GALNTL6: variants seen among roughly 807,000 people sequenced by gnomAD.
GALNTL6 encodes the protein polypeptide N-acetylgalactosaminyltransferase-like 6.
A neutral mutation model predicts 73.7 loss-of-function variants in GALNTL6; 46 were observed. The observed-to-expected ratio is 0.62, with a 90% confidence interval of 0.49 to 0.80. The LOEUF is 0.80. Ranked by LOEUF, GALNTL6 falls within the 30% of genes least tolerant of loss-of-function variation. GALNTL6 has a pLI of 0.00. For missense variants in GALNTL6, 604 were observed against 755.0 expected, an observed-to-expected ratio of 0.80 and a Z score of 2.34; for synonymous variants, 259 against 263.7, an observed-to-expected ratio of 0.98 and a Z score of 0.17.
At chr4:171,957,332 G>T (rs193172072) in intron 2 of GALNTL6, among the ~76,000 whole-genome samples, 2 of 152,250 alleles carry the variant, frequency 1.3e-5, no homozygotes, top group African/African-American at 4.8e-5. Flanking sequence ...AAAATAAGTT[G>T]CTATAAAAGC....
In GALNTL6 at chr4:173,021,620, C is replaced by T. The variant is rs749841630; in HGVS notation, c.1633C>T (p.Arg545Trp). The T allele has an allele frequency of 3.7e-6, 6 of 1,613,722 alleles. No individual in the cohort carries two copies. Among genetic ancestry groups the T allele is most frequent in the Admixed American group, 3.3e-5 (2 of 59,950 alleles). ...GAAGGGGAACCAGCTCTGGGGATAC[C>T]GGAAGGTAAGAGTCAGTCCACTGTG... ...GMKGNQLWGY[R>W]KDRTLFHPVS... The change falls in exon 12 of 13, where the codon CGG becomes TGG. Residue 545 changes from arginine to tryptophan, a missense_variant. Physicochemically the swap from Arg to Trp is moderately radical, Grantham distance 101 (BLOSUM62 -3). Transcript: ENST00000506823.
At chr4:172,182,986 A>G (rs1311647601) in intron 2 of GALNTL6, among the ~76,000 whole-genome samples, 2 of 152,212 alleles carry the variant, frequency 1.3e-5, no homozygotes, top group Non-Finnish European at 2.9e-5. Context: ...CCAAGAATTC[A>G]CACTAGAAGA....
intron 2 of GALNTL6, among the ~76,000 whole-genome samples, chr4:171,901,605 C>T (rs1737097632): frequency 6.6e-6 from 1 of 152,144 alleles, no homozygotes; most frequent in Non-Finnish European, 1.5e-5. Flanking sequence ...ATTTTTCTAC[C>T]TGCTAGAATG....
At chr4:172,356,191 T>C (rs1436707760) in intron 5 of GALNTL6, among the ~76,000 whole-genome samples, 3 of 152,212 alleles carry the variant, frequency 2.0e-5, no homozygotes, top group Non-Finnish European at 4.4e-5. Context: ...TCATGGCAGA[T>C]TAAATCCCAT....
chr4:172,160,893 C>G (rs201155325), intron 2 of GALNTL6, among the ~76,000 whole-genome samples: 2 of 142,136 alleles, frequency 1.4e-5, no homozygotes, highest in Non-Finnish European at 3.1e-5. Context: ...TATATATAGA[C>G]ACACACACAC....
intron 5 of GALNTL6, among the ~76,000 whole-genome samples, chr4:172,732,458 T>C (rs1736208968): frequency 6.6e-6 from 1 of 152,186 alleles, no homozygotes; most frequent in Non-Finnish European, 1.5e-5. Context: ...AGAATATAAT[T>C]GAGTCATTTC....
chr4:172,379,748 T>C (rs1743204634), intron 5 of GALNTL6, among the ~76,000 whole-genome samples: 3 of 152,162 alleles, frequency 2.0e-5, no homozygotes, highest in Non-Finnish European at 2.9e-5. Context: ...TGCTTTACAC[T>C]TAAACCAGGC....
rs75527265 is a variant in GALNTL6, at chr4:172,394,832, C to G, written c.553+46143C>G. Among the ~76,000 whole-genome samples, 610 of 152,194 alleles carry G rather than the reference C, an allele frequency of 4.0e-3. 4 individuals are homozygous for G. Among genetic ancestry groups the G allele is most frequent in the African/African-American group, 0.014 (562 of 41,510 alleles). ...AAGCAGATATTTACTAACAGAGAAC[C>G]CTTGTTTATGAAATAATTTTAGCAT... is the stretch of plus-strand genomic sequence containing the variant. On this transcript the variant is annotated intron_variant, in intron 5 of 12. Transcript: ENST00000506823.
chr4:172,252,068 C>T lies in GALNTL6; in HGVS notation c.247+22304C>T, dbSNP rs995318969. ...GAAATTTAGAGACAGAAATTGTAGA[C>T]AGGAAGGTTAAAACTGAATAGATGC... is the stretch of plus-strand genomic sequence containing the variant. On this transcript the variant is annotated intron_variant, in intron 3 of 12. Coordinates refer to ENST00000506823, the MANE Select transcript of GALNTL6 (RefSeq NM_001034845.3). 1.3e-5 allele frequency among the ~76,000 whole-genome samples: 2 copies of T among 151,748 alleles called. 1 individual carries two copies. Among genetic ancestry groups the T allele is most frequent in the South Asian group, 4.2e-4 (2 of 4,790 alleles).
intron 5 of GALNTL6, among the ~76,000 whole-genome samples, chr4:172,559,937 A>G (rs898997413): frequency 7.2e-5 from 11 of 152,208 alleles, no homozygotes; most frequent in Non-Finnish European, 1.2e-4. Flanking sequence ...TAAGAAATAA[A>G]TTTTGCTATT....
intron 2 of GALNTL6, among the ~76,000 whole-genome samples, chr4:172,115,236 GTTCTCT>G (rs577259687): frequency 8.6e-5 from 13 of 151,958 alleles, no homozygotes; most frequent in Non-Finnish European, 1.2e-4. Flanking sequence ...ATCAATTATA[GTTCTCT>G]TTCTAAGTGT....
rs149033410 is a variant in GALNTL6, at chr4:173,001,090, C to T, written c.1372-8088C>T. Among the ~76,000 whole-genome samples the T allele has an allele frequency of 8.8e-3, 1,345 of 152,210 alleles. 9 individuals carry two copies. The highest frequency in any genetic ancestry group is 0.012 in the Non-Finnish European group (814 of 68,014). Reference sequence around the variant, plus strand: ...ATCAAGTGAACATAAAAGCAGAAACCAGCATGATATGTTAACAAGCCAAGG... The same window carrying T: ...ATCAAGTGAACATAAAAGCAGAAACTAGCATGATATGTTAACAAGCCAAGG... On this transcript the variant is annotated intron_variant, in intron 10 of 12. Coordinates refer to ENST00000506823, the MANE Select transcript of GALNTL6 (RefSeq NM_001034845.3).
At chr4:172,906,157 G>A (rs1746880491) in intron 8 of GALNTL6, among the ~76,000 whole-genome samples, 1 of 151,838 alleles carries the variant, frequency 6.6e-6, no homozygotes, top group Admixed American at 6.6e-5. Context: ...TAGTTTACAT[G>A]GCCAAAAGGA....
chr4:172,470,075 G>C (rs1176669834), intron 5 of GALNTL6, among the ~76,000 whole-genome samples: 1 of 152,170 alleles, frequency 6.6e-6, no homozygotes, highest in East Asian at 1.9e-4. Context: ...GTTGTACACG[G>C]CATGGACTGA....
intron 4 of GALNTL6, among the ~76,000 whole-genome samples, chr4:172,333,223 T>C (rs1217754881): frequency 1.3e-5 from 2 of 151,996 alleles, no homozygotes; most frequent in Admixed American, 6.6e-5. Flanking sequence ...CTGACCAACA[T>C]GGAGAAACCT....
intron 2 of GALNTL6, among the ~76,000 whole-genome samples, chr4:172,173,551 T>C (rs1579212322): frequency 6.6e-6 from 1 of 152,284 alleles, no homozygotes; most frequent in Middle Eastern, 3.4e-3. Context: ...CATCTGAGCT[T>C]TAAAAATAGT....
intron 3 of GALNTL6, among the ~76,000 whole-genome samples, chr4:172,301,285 C>T (rs984895102): frequency 6.6e-6 from 1 of 152,018 alleles, no homozygotes; most frequent in Non-Finnish European, 1.5e-5. Flanking sequence ...TTTTTCAAGG[C>T]TTTTAAACTT....
intron 5 of GALNTL6, among the ~76,000 whole-genome samples, chr4:172,616,932 C>T (rs898160661): frequency 2.0e-5 from 3 of 152,096 alleles, no homozygotes; most frequent in African/African-American, 7.2e-5. Flanking sequence ...TTCCAAGAGT[C>T]TAGAATTTCA....
intron 2 of GALNTL6, among the ~76,000 whole-genome samples, chr4:172,089,622 C>G (rs1732141972): frequency 6.6e-6 from 1 of 152,090 alleles, no homozygotes; most frequent in African/African-American, 2.4e-5. Context: ...AACTCAAAAG[C>G]AAATGAATCA....
Sources: gnomAD v4.1 joint callset for allele counts (sites outside exome capture counted in the v4.1 genomes callset) on GRCh38, gnomAD v4.1.1 for gene constraint, MANE v1.5 for transcripts, NCBI Gene and HGNC (gene_info 2026-07-23, HGNC 2026-07-21) for gene names.